Variants in VSTM4 observed in about 807,000 individuals in gnomAD.
VSTM4 encodes V-set and transmembrane domain-containing protein 4.
Under a neutral mutation model 36.4 loss-of-function variants are expected in VSTM4, and 20 were observed. The observed-to-expected ratio is 0.55, with a 90% CI of 0.39 to 0.80. VSTM4 has a LOEUF of 0.80. Among genes scored for constraint, VSTM4 ranks in the 30% least tolerant of loss-of-function variants. VSTM4 has a pLI of 0.00. For missense variants in VSTM4, 392 were observed against 404.5 expected (o/e 0.97, Z 0.26); for synonymous variants, 182 against 173.9 (o/e 1.05, Z -0.37).
intron 4 of VSTM4, among the ~76,000 whole-genome samples, chr10:49,075,209 C>T (rs527832079): frequency 4.0e-4 from 61 of 152,344 alleles, no homozygotes; most frequent in Admixed American, 2.6e-3. Flanking sequence ...TGCACATGTC[C>T]CAGTCTGCCC....
intron 2 of VSTM4, chr10:49,102,693 TA>T (rs1377000132): frequency 2.0e-6 from 2 of 985,312 alleles, no homozygotes; most frequent in Non-Finnish European, 2.4e-6. Flanking sequence ...AGAGGGTGAC[TA>T]CATCCACCAA....
In VSTM4 at chr10:49,015,496, A is replaced by G. The variant is rs1843091678; in HGVS notation, c.*4154T>C. The stretch of plus-strand genomic sequence containing the variant: ...TGAGAAAGCACTAGTCTACATGCCC[A>G]TCTATCTGGACACCCCACAGCCACT... On this transcript the variant is annotated 3_prime_UTR_variant, in exon 8 of 8. Coordinates refer to ENST00000332853, the MANE Select transcript of VSTM4 (RefSeq NM_001031746.5). 1 of 152,164 alleles carries G rather than the reference A, an allele frequency of 6.6e-6. No individual in the cohort carries two copies. The highest frequency in any genetic ancestry group is 2.4e-5 in the African/African-American group (1 of 41,432). The allele number at this position is 152,164 out of a possible 1,614,324, so 9.4% of individuals were successfully genotyped here. A position where few individuals can be genotyped will look rare whatever the true frequency, so the allele number is the denominator to read the frequency against.
At chr10:49,040,501 G>A (rs1462886887) in intron 7 of VSTM4, among the ~76,000 whole-genome samples, 2 of 152,086 alleles carry the variant, frequency 1.3e-5, no homozygotes, top group African/African-American at 4.8e-5. Flanking sequence ...GGCCGGGCGA[G>A]TCTCAAACTC....
chr10:49,033,569 G>A (rs1423203307), intron 7 of VSTM4, among the ~76,000 whole-genome samples: 1 of 152,154 alleles, frequency 6.6e-6, no homozygotes, highest in Non-Finnish European at 1.5e-5. Context: ...GTCCAATGAG[G>A]TCAAGACATT....
At chr10:49,083,438 C>G (rs1304042727) in intron 3 of VSTM4, among the ~76,000 whole-genome samples, 1 of 152,174 alleles carries the variant, frequency 6.6e-6, no homozygotes, top group Non-Finnish European at 1.5e-5. Flanking sequence ...GGATCATGCG[C>G]CAGGGAGTTT....
At chr10:49,064,572 T>C (rs1218023089) in intron 5 of VSTM4, 131 bp downstream of exon 5, 2 of 1,044,204 alleles carry the variant, frequency 1.9e-6, no homozygotes, top group South Asian at 1.4e-5. Context: ...GATACACATT[T>C]GCAGGCATAT....
At chr10:49,108,130 GC>G in intron 1 of VSTM4, 135 bp from the exon 2 acceptor site, 1 of 1,264,146 alleles carries the variant, frequency 7.9e-7, no homozygotes, top group South Asian at 1.6e-5. Flanking sequence ...GAAGCAGGCG[GC>G]CCCTCACCTC....
chr10:49,037,267 C>T (rs1368493882), intron 7 of VSTM4, among the ~76,000 whole-genome samples: 1 of 152,200 alleles, frequency 6.6e-6, no homozygotes, highest in Non-Finnish European at 1.5e-5. Flanking sequence ...ACCAGAGGTG[C>T]CTACTTAGTC....
At chr10:49,079,525 A>C (rs897711194) in intron 3 of VSTM4, among the ~76,000 whole-genome samples, 3 of 152,230 alleles carry the variant, frequency 2.0e-5, no homozygotes, top group Non-Finnish European at 1.5e-5. Context: ...AACTTAGCAA[A>C]AATGTTTCTC....
intron 7 of VSTM4, among the ~76,000 whole-genome samples, chr10:49,038,769 A>T (rs1281039767): frequency 5.3e-5 from 8 of 151,986 alleles, no homozygotes; most frequent in Admixed American, 5.2e-4. Context: ...CAACAGTCAG[A>T]AGGGTTGTTC....
intron 1 of VSTM4, among the ~76,000 whole-genome samples, chr10:49,111,688 C>T (rs543804080): frequency 5.3e-5 from 8 of 152,232 alleles, no homozygotes; most frequent in Non-Finnish European, 1.2e-4. Context: ...CTCACAGTTC[C>T]TGCTTCCTCC....
intron 7 of VSTM4, among the ~76,000 whole-genome samples, chr10:49,028,131 T>C (rs1319381377): frequency 2.6e-5 from 4 of 152,230 alleles, no homozygotes; most frequent in Non-Finnish European, 5.9e-5. Context: ...AGTAATTACC[T>C]TTCCCTTATG....
chr10:49,097,719 T>C (rs187063053), intron 2 of VSTM4, among the ~76,000 whole-genome samples: 87 of 152,288 alleles, frequency 5.7e-4, no homozygotes, highest in African/African-American at 2.0e-3. Context: ...TTACCATAAC[T>C]AGCTATATAT....
intron 5 of VSTM4, among the ~76,000 whole-genome samples, chr10:49,060,578 G>T (rs1428677737): frequency 6.6e-6 from 1 of 152,180 alleles, no homozygotes; most frequent in Non-Finnish European, 1.5e-5. Flanking sequence ...AGTTGTGAGA[G>T]GTCTTTATAT....
intron 1 of VSTM4, 72 bp from the exon 2 acceptor site, chr10:49,108,067 G>A: frequency 6.8e-7 from 1 of 1,470,368 alleles, no homozygotes; most frequent in Non-Finnish European, 9.0e-7. Context: ...CACAGTCGAG[G>A]AGCCAGGAAA....
chr10:49,107,537 G>C (rs746260197), intron 2 of VSTM4, 57 bp downstream of exon 2: 39 of 1,535,012 alleles, frequency 2.5e-5, no homozygotes, highest in Non-Finnish European at 3.2e-5. Context: ...GGCTGCAAAG[G>C]GGGGCCTACT....
chr10:49,062,121 C>T (rs1342858272), intron 5 of VSTM4, among the ~76,000 whole-genome samples: 1 of 152,210 alleles, frequency 6.6e-6, no homozygotes, highest in Non-Finnish European at 1.5e-5. Flanking sequence ...CTTTTGACTT[C>T]TATTTAGGTC....
intron 7 of VSTM4, 57 bp from the exon 8 acceptor site, chr10:49,019,832 T>A: frequency 6.4e-7 from 1 of 1,558,274 alleles, no homozygotes; most frequent in Non-Finnish European, 8.7e-7. Flanking sequence ...GAGCTCTACA[T>A]CACACATTCA....
At chr10:49,114,696 G>A (rs889054978) in intron 1 of VSTM4, among the ~76,000 whole-genome samples, 3 of 151,986 alleles carry the variant, frequency 2.0e-5, no homozygotes, top group South Asian at 2.1e-4. Context: ...AGTGACCATC[G>A]ATACCTGTAT....
Sources: gnomAD v4.1 joint callset for allele counts (sites outside exome capture counted in the v4.1 genomes callset) on GRCh38, gnomAD v4.1.1 for gene constraint, MANE v1.5 for transcripts, NCBI Gene and HGNC (gene_info 2026-07-23, HGNC 2026-07-21) for gene names.